CR2: variants seen among roughly 807,000 people sequenced by gnomAD.
CR2 encodes complement C3d receptor 2.
Under a neutral mutation model 123.0 loss-of-function variants are expected in CR2, and 96 were observed. That is an observed-to-expected ratio of 0.78 (90% confidence interval 0.66 to 0.93). CR2 has a LOEUF of 0.93. Ranked by LOEUF, CR2 falls within the 40% of genes least tolerant of loss-of-function variation. The pLI is 0.00. For synonymous variants in CR2, 484 were observed against 469.5 expected, an observed-to-expected ratio of 1.03 and a Z score of -0.40; for missense variants, 1,258 against 1,361.0, an observed-to-expected ratio of 0.92 and a Z score of 1.19.
chr1:207,471,635 GCA>G, intron 9 of CR2, 136 bp downstream of exon 9: 2 of 724,242 alleles, frequency 2.8e-6, no homozygotes, highest in Admixed American at 3.8e-5. Context: ...AGTTATGGTT[GCA>G]CAGTTTTACC....
chr1:207,483,573 G>C (rs1198574775), intron 18 of CR2, among the ~76,000 whole-genome samples: 1 of 151,710 alleles, frequency 6.6e-6, no homozygotes, highest in Non-Finnish European at 1.5e-5. Context: ...TTCTTGTGGA[G>C]AATCACAAGG....
chr1:207,471,069 A>G lies in CR2; in HGVS notation c.1475A>G (p.Asn492Ser), dbSNP rs142212472. 6.3e-5 allele frequency: 102 copies of G among 1,613,408 alleles called. No homozygotes were observed. The African/African-American group carries it at 1.2e-3, about 19-fold the overall frequency. Residue 492 changes from asparagine to serine, a missense_variant, in exon 8 of 20, where the codon AAC becomes AGC. Coordinates refer to ENST00000367057, the MANE Select transcript of CR2 (RefSeq NM_001006658.3). ...CACCAATTTGTTAGACCAGATGTCA[A>G]CTCTTCTTGTGGTGAAGGGTGAGTG... ...PQHQFVRPDV[N>S]SSCGEGYKLS...
chr1:207,463,146 T>A (rs1466926329), intron 1 of CR2, among the ~76,000 whole-genome samples: 1 of 152,182 alleles, frequency 6.6e-6, no homozygotes, highest in Non-Finnish European at 1.5e-5. Context: ...ATAAATCATG[T>A]GTGAGTCATA....
At position 207,479,902 on chromosome 1, in the gene CR2, A is replaced by G. The variant is rs559965196; in HGVS notation, c.3113-76A>G. The G allele has an allele frequency of 1.4e-4, 143 of 1,058,140 alleles. 3 individuals carry two copies. In the South Asian group the frequency reaches 1.5e-3, roughly 11 times the overall value. 65.5% of individuals were successfully genotyped at this position (1,058,140 alleles called of 1,614,324 possible). A position where few individuals can be genotyped will look rare whatever the true frequency, so the allele number is the denominator to read the frequency against. Reference sequence around the variant, plus strand: ...CATAACATTTTCCCCACCACTAGCAATAGGCCCTGCAATCAGTCAGAACAA... The same window carrying G: ...CATAACATTTTCCCCACCACTAGCAGTAGGCCCTGCAATCAGTCAGAACAA... On this transcript the variant is annotated intron_variant, in intron 17 of 19. Coordinates refer to ENST00000367057, the MANE Select transcript of CR2 (RefSeq NM_001006658.3).
At chr1:207,464,484 A>C in intron 1 of CR2, among the ~76,000 whole-genome samples, 1 of 152,198 alleles carries the variant, frequency 6.6e-6, no homozygotes, top group East Asian at 1.9e-4. Context: ...TATTGGATGT[A>C]ATAGGGAAAA....
intron 15 of CR2, among the ~76,000 whole-genome samples, chr1:207,477,054 C>T (rs928976180): frequency 2.6e-5 from 4 of 152,202 alleles, no homozygotes; most frequent in African/African-American, 9.6e-5. Flanking sequence ...CCCAAAGTCA[C>T]ACATCTAGGA....
At chr1:207,471,172 C>T (rs1658266725) in intron 8 of CR2, 85 bp downstream of exon 8, 1 of 1,327,846 alleles carries the variant, frequency 7.5e-7, no homozygotes, top group Admixed American at 1.7e-5. Flanking sequence ...TATCAGTACA[C>T]CCTGCAAGCT....
intron 9 of CR2, among the ~76,000 whole-genome samples, chr1:207,472,310 A>C (rs1291046925): frequency 6.6e-6 from 1 of 152,260 alleles, no homozygotes; most frequent in South Asian, 2.1e-4. Context: ...CAAATTATTC[A>C]AATTAAATTG....
chr1:207,475,322 A>C, intron 14 of CR2, 106 bp downstream of exon 14: 1 of 1,230,534 alleles, frequency 8.1e-7, no homozygotes, highest in Non-Finnish European at 1.1e-6. Context: ...TCTAAGAGCT[A>C]AGGCAGTTAT....
At chr1:207,465,262 T>C (rs1370373539) in intron 1 of CR2, among the ~76,000 whole-genome samples, 2 of 152,178 alleles carry the variant, frequency 1.3e-5, no homozygotes, top group Non-Finnish European at 2.9e-5. Flanking sequence ...ACTTTGAAAG[T>C]AATATCTAAA....
chr1:207,479,348 T>C, intron 17 of CR2, 68 bp downstream of exon 17: 1 of 1,070,276 alleles, frequency 9.3e-7, no homozygotes, highest in Non-Finnish European at 1.4e-6. Context: ...ATGCTAGAGG[T>C]CCTATATCCT....
chr1:207,458,490 A>G (rs1657893409), intron 1 of CR2, among the ~76,000 whole-genome samples: 2 of 152,152 alleles, frequency 1.3e-5, no homozygotes, highest in South Asian at 4.1e-4. Context: ...GAGTTTTCTG[A>G]CTTGATCGTG....
At chr1:207,459,390 G>C (rs1038308086) in intron 1 of CR2, among the ~76,000 whole-genome samples, 1 of 151,426 alleles carries the variant, frequency 6.6e-6, no homozygotes, top group African/African-American at 2.4e-5. Context: ...TTCAAAACTT[G>C]CTTATCAAAT....
intron 1 of CR2, among the ~76,000 whole-genome samples, chr1:207,464,341 G>A (rs1450368292): frequency 6.6e-6 from 1 of 152,170 alleles, no homozygotes; most frequent in Non-Finnish European, 1.5e-5. Flanking sequence ...AAAATTCTCA[G>A]AAAGTATAAT....
In CR2 at chr1:207,472,866, A is replaced by G. The variant is rs780877690; in HGVS notation, c.1665A>G (p.Thr555=). ...DFPYGTTVTY[T]CNPGPERGVE... ...CATATGGAACCACGGTCACTTACAC[A>G]TGTAACCCTGGGCCAGAAAGAGGAG... The change falls in exon 10 of 20, where the codon ACA becomes ACG. Residue 555 remains threonine, a synonymous_variant. Coordinates refer to ENST00000367057, the MANE Select transcript of CR2 (RefSeq NM_001006658.3). 33 of 1,613,998 alleles carry G rather than the reference A, an allele frequency of 2.0e-5. 1 individual carries two copies. In the South Asian group the frequency reaches 3.2e-4, roughly 16 times the overall value.
Position 207,468,274 on chromosome 1 carries a change from T to C in CR2, c.446-253T>C, listed in dbSNP as rs1572952246. 6.5e-5 allele frequency: 34 copies of C among 521,392 alleles called. 1 individual carries two copies. The South Asian group carries it at 6.7e-4, about 10-fold the overall frequency. The allele number at this position is 521,392 out of a possible 1,614,324, so 32.3% of individuals were successfully genotyped here. A position where few individuals can be genotyped will look rare whatever the true frequency, so the allele number is the denominator to read the frequency against. ...TCCAACTCGCTACCCGTGGACAGCA[T>C]GTGGCCCAGGATGGCTTTGAATGTG... On this transcript the variant is annotated intron_variant, in intron 2 of 19. Coordinates refer to ENST00000367057, the MANE Select transcript of CR2 (RefSeq NM_001006658.3).
chr1:207,474,299 T>C lies in CR2; in HGVS notation c.2299T>C (p.Phe767Leu), dbSNP rs1021219842. Residue 767 changes from phenylalanine to leucine, a missense_variant, in exon 13 of 20, where the codon TTC becomes CTC. Phe to Leu is a conservative substitution (Grantham distance 22). Transcript: ENST00000367057. ...MCQDAENGIW[F>L]KKIPLCKVIH... The stretch of plus-strand genomic sequence containing the variant: ...TCAAGATGCTGAAAATGGAATTTGG[T>C]TCAAAAAGATTCCACTTTGTAAAGG... 8 of 1,612,830 alleles carry C rather than the reference T, an allele frequency of 5.0e-6. No homozygotes were observed. Among genetic ancestry groups the C allele is most frequent in the Non-Finnish European group, 6.8e-6 (8 of 1,179,014 alleles).
At position 207,470,808 on chromosome 1, in the gene CR2, G is replaced by A. The variant is rs1175989597; in HGVS notation, c.1294G>A (p.Gly432Arg). ...TAGACACATGGTCCGCTTTGACCCT[G>A]GAACATCTATAAAATATAGCTGTAA... ...EDRHMVRFDP[G>R]TSIKYSCNPG... The change falls in exon 7 of 20, where the codon GGA (glycine) becomes AGA (arginine). Residue 432 changes from glycine to arginine, a missense_variant. Gly to Arg is a moderately radical substitution (Grantham distance 125, BLOSUM62 -2). Transcript: ENST00000367057. 2.5e-6 allele frequency: 4 copies of A among 1,613,752 alleles called. No individual in the cohort carries two copies. Among genetic ancestry groups the A allele is most frequent in the African/African-American group, 2.7e-5 (2 of 74,852 alleles).
intron 14 of CR2, 22 bp downstream of exon 14, chr1:207,475,238 A>G: frequency 6.2e-7 from 1 of 1,613,584 alleles, no homozygotes; most frequent in Non-Finnish European, 8.5e-7. Context: ...GGAAGGGATA[A>G]GTTATGGGAT....
Sources: allele counts gnomAD v4.1 joint callset (sites outside exome capture counted in the v4.1 genomes callset), GRCh38; gene constraint gnomAD v4.1.1; transcripts MANE v1.5; gene names NCBI Gene and HGNC (gene_info 2026-07-23, HGNC 2026-07-21).